TAF3: variants seen among roughly 807,000 people sequenced by gnomAD.
The protein encoded by TAF3 is TATA-box binding protein associated factor 3, also known as transcription initiation factor TFIID subunit 3.
In TAF3, 7 loss-of-function variants were observed where a neutral mutation model predicts 80.6. That is an observed-to-expected ratio of 0.09 (90% confidence interval 0.05 to 0.16). The LOEUF (loss-of-function observed/expected upper bound fraction) is 0.16, where lower values mean the gene tolerates loss of function less well. Among genes scored for constraint, TAF3 ranks in the 10% least tolerant of loss-of-function variants. The pLI, the probability that TAF3 is intolerant of heterozygous loss-of-function variation, is 1.00. For missense variants in TAF3, 921 were observed against 1,140.2 expected (o/e 0.81, Z 2.77); for synonymous variants, 444 against 446.1 (o/e 1.00, Z 0.06).
At chr10:7,934,020 A>G (rs1316133655) in intron 2 of TAF3, among the ~76,000 whole-genome samples, 2 of 152,230 alleles carry the variant, frequency 1.3e-5, no homozygotes, top group African/African-American at 4.8e-5. Context: ...GGAAAATCCC[A>G]GAGATGCTCA....
intron 2 of TAF3, among the ~76,000 whole-genome samples, chr10:7,840,532 A>AT (rs1275210698): frequency 1.3e-5 from 2 of 152,106 alleles, no homozygotes; most frequent in Non-Finnish European, 2.9e-5. Flanking sequence ...ATGAAAAAAA[A>AT]AAAAAAGATT....
At chr10:7,927,891 T>G (rs1437343244) in intron 2 of TAF3, among the ~76,000 whole-genome samples, 1 of 152,214 alleles carries the variant, frequency 6.6e-6, no homozygotes. Flanking sequence ...TAACGGGCTA[T>G]GTTTAAAAGT....
At chr10:7,956,914 G>A (rs1838141595) in intron 2 of TAF3, among the ~76,000 whole-genome samples, 1 of 152,042 alleles carries the variant, frequency 6.6e-6, no homozygotes. Flanking sequence ...CACTGTTTTA[G>A]GTGTGATTCT....
chr10:7,837,333 A>G (rs1836860880), intron 2 of TAF3, among the ~76,000 whole-genome samples: 1 of 139,330 alleles, frequency 7.2e-6, no homozygotes, highest in Non-Finnish European at 1.6e-5. Flanking sequence ...ACTGTGCTCC[A>G]GTCTGGGCAA....
chr10:7,848,898 A>C (rs947058456), intron 2 of TAF3, among the ~76,000 whole-genome samples: 71 of 152,344 alleles, frequency 4.7e-4, no homozygotes, highest in African/African-American at 1.7e-3. Flanking sequence ...CTACTGTGTC[A>C]GTACAGCCTG....
At chr10:7,994,441 A>G (rs1409894203) in intron 4 of TAF3, among the ~76,000 whole-genome samples, 1 of 152,138 alleles carries the variant, frequency 6.6e-6, no homozygotes, top group African/African-American at 2.4e-5. Context: ...GATGGGTTTG[A>G]AAAGAAAAGA....
intron 2 of TAF3, among the ~76,000 whole-genome samples, chr10:7,937,678 G>C (rs1837934345): frequency 6.6e-6 from 1 of 152,224 alleles, no homozygotes; most frequent in South Asian, 2.1e-4. Context: ...TGAAGGATGA[G>C]TAACAGGTGA....
At chr10:7,984,640 C>A (rs1406186387) in intron 4 of TAF3, among the ~76,000 whole-genome samples, 3 of 152,096 alleles carry the variant, frequency 2.0e-5, no homozygotes, top group African/African-American at 7.2e-5. Context: ...ATATTTATGA[C>A]CACCTCTTTA....
chr10:8,002,389 C>A (rs1267242143), intron 4 of TAF3, among the ~76,000 whole-genome samples: 1 of 152,150 alleles, frequency 6.6e-6, no homozygotes, highest in African/African-American at 2.4e-5. Flanking sequence ...TAGAAAAATA[C>A]ACTAAAAGTA....
At chr10:7,989,148 T>C (rs1163498926) in intron 4 of TAF3, among the ~76,000 whole-genome samples, 1 of 152,282 alleles carries the variant, frequency 6.6e-6, no homozygotes, top group African/African-American at 2.4e-5. Flanking sequence ...CAGAGCAAGC[T>C]CTCAGTGGGC....
chr10:7,857,824 G>A (rs1005855881), intron 2 of TAF3, among the ~76,000 whole-genome samples: 4 of 151,676 alleles, frequency 2.6e-5, no homozygotes, highest in African/African-American at 9.7e-5. Context: ...AGTTATGAAA[G>A]TACTATTAGC....
chr10:7,959,841 T>G (rs546524191), intron 2 of TAF3, among the ~76,000 whole-genome samples: 2 of 152,360 alleles, frequency 1.3e-5, no homozygotes, highest in Admixed American at 1.3e-4. Flanking sequence ...ATTTTCAAGT[T>G]ATTGTAACTA....
intron 2 of TAF3, among the ~76,000 whole-genome samples, chr10:7,936,963 CT>C (rs1441283780): frequency 6.6e-6 from 1 of 152,056 alleles, no homozygotes; most frequent in Non-Finnish European, 1.5e-5. Context: ...AGTTTGACTT[CT>C]TTCACTTACC....
chr10:7,879,038 A>G (rs1837335966), intron 2 of TAF3, among the ~76,000 whole-genome samples: 1 of 152,118 alleles, frequency 6.6e-6, no homozygotes, highest in Non-Finnish European at 1.5e-5. Flanking sequence ...AATTCAACCA[A>G]TTTAGTGTTA....
chr10:7,990,842 T>A (rs899208991), intron 4 of TAF3, among the ~76,000 whole-genome samples: 1 of 152,110 alleles, frequency 6.6e-6, no homozygotes, highest in African/African-American at 2.4e-5. Context: ...ATAGACCTCC[T>A]CACAGAAGAC....
chr10:7,984,535 T>C (rs1012676048), intron 4 of TAF3, among the ~76,000 whole-genome samples: 1 of 152,242 alleles, frequency 6.6e-6, no homozygotes, highest in African/African-American at 2.4e-5. Flanking sequence ...TAGCTTATCT[T>C]GAGTCCAGAC....
intron 2 of TAF3, among the ~76,000 whole-genome samples, chr10:7,845,194 G>T (rs1836957452): frequency 6.6e-6 from 1 of 151,882 alleles, no homozygotes; most frequent in African/African-American, 2.4e-5. Context: ...AATTTGGGAG[G>T]TGTGTCATTT....
intron 2 of TAF3, among the ~76,000 whole-genome samples, chr10:7,833,202 A>C (rs752180883): frequency 1.2e-4 from 19 of 152,154 alleles, no homozygotes; most frequent in African/African-American, 4.3e-4. Flanking sequence ...AATCTTTTCA[A>C]ATCTTTTGGG....
At chr10:7,877,867 C>T (rs949364490) in intron 2 of TAF3, among the ~76,000 whole-genome samples, 4 of 152,108 alleles carry the variant, frequency 2.6e-5, no homozygotes, top group East Asian at 1.9e-4. Context: ...GTTTATACAC[C>T]GTGTGTGTTA....
Sources: allele counts gnomAD v4.1 joint callset (sites outside exome capture counted in the v4.1 genomes callset), GRCh38; gene constraint gnomAD v4.1.1; transcripts MANE v1.5; gene names NCBI Gene and HGNC (gene_info 2026-07-23, HGNC 2026-07-21).